RBFOX1: variants seen among roughly 807,000 people sequenced by gnomAD.
The protein encoded by RBFOX1 is RNA binding protein fox-1 homolog 1.
Under a neutral mutation model 57.7 loss-of-function variants are expected in RBFOX1, and 8 were observed. The observed-to-expected ratio is 0.14, with a 90% confidence interval of 0.08 to 0.25. RBFOX1 has a LOEUF of 0.25. Among genes scored for constraint, RBFOX1 ranks in the 10% least tolerant of loss-of-function variants. RBFOX1 has a pLI of 1.00. For missense variants in RBFOX1, 611 were observed against 548.5 expected, an observed-to-expected ratio of 1.11 and a Z score of -1.14; for synonymous variants, 326 against 222.4, an observed-to-expected ratio of 1.47 and a Z score of -4.15.
intron 3 of RBFOX1, among the ~76,000 whole-genome samples, chr16:6,981,475 A>G (rs1252882464): frequency 1.3e-5 from 2 of 152,174 alleles, no homozygotes; most frequent in Admixed American, 6.5e-5. Flanking sequence ...TAAACCACAG[A>G]TTCTTTATCC....
upstream of RBFOX1, among the ~76,000 whole-genome samples, chr16:6,014,087 A>T (rs150786075): frequency 0.021 from 3,146 of 152,332 alleles, 103 homozygotes; most frequent in African/African-American, 0.071. Flanking sequence ...CGTTGTGCAC[A>T]TGTACCCTAA....
At chr16:6,648,399 G>T (rs545168604) in intron 2 of RBFOX1, among the ~76,000 whole-genome samples, 1 of 152,022 alleles carries the variant, frequency 6.6e-6, no homozygotes, top group African/African-American at 2.4e-5. Context: ...CAGACTCCAC[G>T]TTGACTAGGA....
intron 3 of RBFOX1, among the ~76,000 whole-genome samples, chr16:6,776,892 C>T (rs1490817429): frequency 6.6e-6 from 1 of 152,140 alleles, no homozygotes; most frequent in East Asian, 1.9e-4. Context: ...ATTTTAATTA[C>T]AGCAAATATT....
chr16:5,719,137 A>G (rs1305052253), intron 3 of RBFOX1, among the ~76,000 whole-genome samples: 4 of 152,216 alleles, frequency 2.6e-5, no homozygotes, highest in Non-Finnish European at 4.4e-5. Flanking sequence ...TTAAACGCAT[A>G]TAACCCAATA....
intron 4 of RBFOX1, among the ~76,000 whole-genome samples, chr16:7,463,435 T>C (rs528417973): frequency 6.6e-6 from 1 of 152,250 alleles, no homozygotes; most frequent in Admixed American, 6.5e-5. Flanking sequence ...ACCCGGGACG[T>C]AGGGGTTGCA....
At chr16:5,878,476 A>C (rs144577985) in intron 4 of RBFOX1, among the ~76,000 whole-genome samples, 3 of 152,202 alleles carry the variant, frequency 2.0e-5, no homozygotes, top group Non-Finnish European at 2.9e-5. Flanking sequence ...ATTTGATTCT[A>C]TGCAATTTGC....
rs1259860505 is a variant in RBFOX1, at chr16:6,303,355, C to T, written c.-126-13640C>T. ...ATAGATTTTTTTTTTTTTAAAAAAT[C>T]GAGGCCTACAGAGTGGAGGATGGCT... On this transcript the variant is annotated intron_variant, in intron 1 of 15. Transcript: ENST00000550418. 4.0e-5 allele frequency among the ~76,000 whole-genome samples: 6 copies of T among 149,814 alleles called. No individual in the cohort carries two copies. The South Asian group carries it at 1.1e-3, about 27-fold the overall frequency.
intron 3 of RBFOX1, among the ~76,000 whole-genome samples, chr16:5,695,127 A>T (rs2050808179): frequency 6.6e-6 from 1 of 152,140 alleles, no homozygotes; most frequent in South Asian, 2.1e-4. Context: ...TACAACCTTG[A>T]CATAAATTAG....
intron 2 of RBFOX1, among the ~76,000 whole-genome samples, chr16:6,526,829 C>CAAAAAAAAAAAAA (rs541468859): frequency 3.3e-4 from 11 of 32,892 alleles, no homozygotes; most frequent in African/African-American, 9.7e-4. Context: ...GACTCTGTCT[C>CAAAAAAAAAAAAA]AAAAAAAAAA....
intron 2 of RBFOX1, among the ~76,000 whole-genome samples, chr16:6,337,071 C>A (rs1052743259): frequency 6.6e-6 from 1 of 152,136 alleles, no homozygotes; most frequent in Non-Finnish European, 1.5e-5. Flanking sequence ...CCCAAGAGTT[C>A]AGAGCACTTT....
chr16:6,805,163 T>G (rs1441615127), intron 3 of RBFOX1, among the ~76,000 whole-genome samples: 2 of 151,650 alleles, frequency 1.3e-5, no homozygotes, highest in African/African-American at 4.8e-5. Context: ...AATAACAGAT[T>G]GGCTAAAGAA....
chr16:7,372,371 G>C (rs984147596), intron 4 of RBFOX1, among the ~76,000 whole-genome samples: 1 of 152,156 alleles, frequency 6.6e-6, no homozygotes, highest in Non-Finnish European at 1.5e-5. Flanking sequence ...TCTGTGCCAG[G>C]CATCTGATAC....
intron 4 of RBFOX1, among the ~76,000 whole-genome samples, chr16:7,400,599 A>C (rs947647704): frequency 3.3e-5 from 5 of 152,188 alleles, no homozygotes; most frequent in African/African-American, 1.2e-4. Context: ...AGAAATTTGG[A>C]AATAGGTGGT....
intron 3 of RBFOX1, among the ~76,000 whole-genome samples, chr16:6,954,131 T>C (rs543146574): frequency 6.6e-6 from 1 of 152,148 alleles, no homozygotes; most frequent in Non-Finnish European, 1.5e-5. Context: ...TGCAGGCGTA[T>C]TGGAAGTTAC....
In RBFOX1 at chr16:6,919,686, C is replaced by T. The variant is rs114862197; in HGVS notation, c.-15-132371C>T. On this transcript the variant is annotated intron_variant, in intron 3 of 15. Transcript: ENST00000550418. ...CCAGATTGAATCCAGATCCATAAGA[C>T]ATTGTCATCAGCACTGATATATTGT... is the stretch of plus-strand genomic sequence containing the variant. Among the ~76,000 whole-genome samples, 223 of 151,054 alleles carry T rather than the reference C, an allele frequency of 1.5e-3. 1 individual carries two copies. Among genetic ancestry groups the T allele is most frequent in the African/African-American group, 4.6e-3 (188 of 41,162 alleles).
intron 4 of RBFOX1, among the ~76,000 whole-genome samples, chr16:7,233,433 C>G (rs1274031948): frequency 1.3e-5 from 2 of 152,158 alleles, no homozygotes; most frequent in Non-Finnish European, 2.9e-5. Flanking sequence ...TGCTCTTTCT[C>G]TTATTCATGA....
At position 7,040,869 on chromosome 16, in the gene RBFOX1, G is replaced by A. The variant is rs145760131; in HGVS notation, c.-15-11188G>A. On this transcript the variant is annotated intron_variant, in intron 3 of 15. Transcript: ENST00000550418. ...CCATGGGCCAAAGACAGCTCACTGC[G>A]TGATTCTGTAAATAAAGTTTTTTTT... is the stretch of plus-strand genomic sequence containing the variant. Among the ~76,000 whole-genome samples, 1,417 of 152,058 alleles carry A rather than the reference G, an allele frequency of 9.3e-3. 14 individuals carry two copies. Among genetic ancestry groups the A allele is most frequent in the Admixed American group, 0.015 (222 of 15,268 alleles).
intron 4 of RBFOX1, among the ~76,000 whole-genome samples, chr16:7,366,078 C>T (rs1435177728): frequency 6.6e-6 from 1 of 152,160 alleles, no homozygotes; most frequent in Non-Finnish European, 1.5e-5. Context: ...CATCACTGAG[C>T]CAATCAGCTA....
At position 6,193,272 on chromosome 16, in the gene RBFOX1, G is replaced by T. The variant is rs183766785; in HGVS notation, c.-126-123723G>T. Among the ~76,000 whole-genome samples the T allele has an allele frequency of 6.0e-4, 90 of 149,942 alleles. No homozygotes were observed. The East Asian group carries it at 0.014, about 24-fold the overall frequency. Reference sequence around the variant, plus strand: ...ATTAGACTGAGGAGAGACATGCATGGGGCTGGCCAATCAGATTATCTCTTC... The same window carrying T: ...ATTAGACTGAGGAGAGACATGCATGTGGCTGGCCAATCAGATTATCTCTTC... On this transcript the variant is annotated intron_variant, in intron 1 of 15. Transcript: ENST00000550418.
Sources: gnomAD v4.1 joint callset for allele counts (sites outside exome capture counted in the v4.1 genomes callset) on GRCh38, gnomAD v4.1.1 for gene constraint, MANE v1.5 for transcripts, NCBI Gene and HGNC (gene_info 2026-07-23, HGNC 2026-07-21) for gene names.